The following TEKT4 variants were observed in gnomAD, a reference collection of about 807,000 sequenced individuals.
TEKT4 encodes the protein tektin 4.
A neutral mutation model predicts 46.0 loss-of-function variants in TEKT4; 46 were observed. That is an observed-to-expected ratio of 1.00 (90% CI 0.79 to 1.28). The LOEUF is 1.28. Ranked by LOEUF, TEKT4 falls within the 50% of genes most tolerant of loss-of-function variation. The pLI, the probability that TEKT4 is intolerant of heterozygous loss-of-function variation, is 0.00. For missense variants in TEKT4, 790 were observed against 622.9 expected (o/e 1.27, Z -2.85); for synonymous variants, 325 against 265.8 (o/e 1.22, Z -2.17).
chr2:94,871,858 G>A lies in TEKT4; in HGVS notation c.279G>A (p.Glu93=). The A allele has an allele frequency of 1.0e-5, 16 of 1,603,040 alleles. No homozygotes were observed. The highest frequency in any genetic ancestry group is 1.3e-5 in the Non-Finnish European group (15 of 1,176,830). ...AAGACTCCACGCGCACAGTGGGCGA[G>A]CGACTGCAGGACACGCACAGCTGGA... ...TQQDSTRTVG[E]RLQDTHSWKS... Residue 93 remains glutamate, a synonymous_variant, in exon 1 of 6, where the codon GAG becomes GAA. Transcript: ENST00000295201.
rs782060350 is a variant in TEKT4, at chr2:94,873,954, C to A, written c.570-11C>A. 6.2e-7 allele frequency: 1 copy of A among 1,613,470 alleles called. No individual in the cohort carries two copies. Among genetic ancestry groups the A allele is most frequent in the Non-Finnish European group, 8.5e-7 (1 of 1,179,828 alleles). On this transcript the variant is annotated splice_polypyrimidine_tract_variant and intron_variant, in intron 2 of 5. Transcript: ENST00000295201. ...GGGCACACATCAAGGCCCTGCCCCA[C>A]CCCGCCCCAGACTGAACCGGGAGCA...
intron 2 of TEKT4, 124 bp downstream of exon 2, chr2:94,873,714 G>A (rs1680686917): frequency 1.4e-6 from 2 of 1,381,010 alleles, no homozygotes; most frequent in South Asian, 1.3e-5. Flanking sequence ...TCACAGTGGA[G>A]CGCAGGACTG....
intron 1 of TEKT4, 180 bp from the exon 2 acceptor site, chr2:94,873,340 G>C: frequency 6.9e-7 from 1 of 1,452,252 alleles, no homozygotes; most frequent in East Asian, 2.5e-5. Flanking sequence ...ACGCACCAAG[G>C]AGAATGCCCA....
Position 94,871,753 on chromosome 2 carries a change from C to T in TEKT4, c.174C>T (p.Asp58=). Residue 58 remains aspartate (D), a synonymous_variant, in exon 1 of 6, where the codon GAC becomes GAT. Transcript: ENST00000295201. ...CTCGCTACCACCAGGCCTTCGCCGA[C>T]CGCGACCAGTCGGAGCGGCAGCGGC... The part of the protein sequence containing the change: ...CYARYHQAFA[D]RDQSERQRHE... 1 of 1,612,640 alleles carries T rather than the reference C, an allele frequency of 6.2e-7. No individual in the cohort carries two copies. Among genetic ancestry groups the T allele is most frequent in the East Asian group, 2.2e-5 (1 of 44,868 alleles).
chr2:94,873,932 C>A, intron 2 of TEKT4, 33 bp from the exon 3 acceptor site: 1 of 1,611,964 alleles, frequency 6.2e-7, no homozygotes, highest in African/African-American at 1.3e-5. Context: ...CCTCCCTGGG[C>A]ACACATCAAG....
chr2:94,873,629 A>C (rs1553395401), intron 2 of TEKT4, 39 bp downstream of exon 2: 1 of 1,611,648 alleles, frequency 6.2e-7, no homozygotes, highest in African/African-American at 1.3e-5. Flanking sequence ...TCCTGACCCT[A>C]CCCACAGCTG....
Position 94,875,686 on chromosome 2 carries a change from G to T in TEKT4, c.1035G>T (p.Leu345=). 6.2e-7 allele frequency: 1 copy of T among 1,614,178 alleles called. No individual in the cohort carries two copies. The highest frequency in any genetic ancestry group is 1.1e-5 in the South Asian group (1 of 91,088). The change falls in exon 5 of 6, where the codon CTG becomes CTT. Residue 345 remains leucine, a synonymous_variant. Coordinates refer to ENST00000295201, the MANE Select transcript of TEKT4 (RefSeq NM_144705.4). Reference sequence around the variant, plus strand: ...CTCTGCACGTAGCCCAGACCCGGCTGTACCTGCGCTCGCACCGGCCCAACA... The same window carrying T: ...CTCTGCACGTAGCCCAGACCCGGCTTTACCTGCGCTCGCACCGGCCCAACA... ...EAPLHVAQTR[L]YLRSHRPNME...
chr2:94,875,685 T>C lies in TEKT4; in HGVS notation c.1034T>C (p.Leu345Pro). The C allele has an allele frequency of 1.2e-6, 2 of 1,614,162 alleles. No homozygotes were observed. Among genetic ancestry groups the C allele is most frequent in the African/African-American group, 1.3e-5 (1 of 75,044 alleles). The part of the protein sequence containing the change: ...EAPLHVAQTR[L>P]YLRSHRPNME... Reference sequence around the variant, plus strand: ...CCTCTGCACGTAGCCCAGACCCGGCTGTACCTGCGCTCGCACCGGCCCAAC... The same window carrying C: ...CCTCTGCACGTAGCCCAGACCCGGCCGTACCTGCGCTCGCACCGGCCCAAC... Residue 345 changes from leucine (L) to proline (P), a missense_variant, in exon 5 of 6, where the codon CTG becomes CCG. By Grantham distance (98) the Leu-to-Pro change is moderately conservative. Coordinates refer to ENST00000295201, the MANE Select transcript of TEKT4 (RefSeq NM_144705.4).
In TEKT4 at chr2:94,872,004, A is replaced by T. The variant is rs1680592022; in HGVS notation, c.425A>T (p.Asp142Val). Residue 142 changes from aspartate (D) to valine (V), a missense_variant, in exon 1 of 6, where the codon GAC becomes GTC. Asp to Val is a radical substitution (Grantham distance 152). Transcript: ENST00000295201. ...GAGGTGCCCTTCTCCATCACCACTG[A>T]CAACCTGCAGTGCCGTGAGCGCCGC... ...ATEVPFSITT[D>V]NLQCRERREH... 8.8e-6 allele frequency: 14 copies of T among 1,596,808 alleles called. No homozygotes were observed. In the East Asian group the frequency reaches 3.2e-4, roughly 36 times the overall value.
At chr2:94,872,432 T>C in intron 1 of TEKT4, 2 of 397,988 alleles carry the variant, frequency 5.0e-6, no homozygotes, top group South Asian at 5.4e-5. Flanking sequence ...GGGCCAGCAC[T>C]GCAGGTGTGG....
intron 3 of TEKT4, among the ~76,000 whole-genome samples, chr2:94,874,396 G>A (rs1314455516): frequency 1.3e-5 from 2 of 152,036 alleles, no homozygotes; most frequent in East Asian, 3.9e-4. Context: ...CCTGACCACC[G>A]CCCACTAGAG....
chr2:94,871,451 G>A lies in TEKT4; in HGVS notation c.-129G>A, dbSNP rs1192274837. On this transcript the variant is annotated 5_prime_UTR_variant, in exon 1 of 6. Transcript: ENST00000295201. ...TCTTGGTTTACACAGTGTCACCCAA[G>A]CGACTGGGAGCCGCGTCCTGCTCTG... The A allele has an allele frequency of 1.6e-6, 2 of 1,216,276 alleles. No homozygotes were observed. The highest frequency in any genetic ancestry group is 2.2e-6 in the Non-Finnish European group (2 of 899,332). The allele number at this position is 1,216,276 out of a possible 1,614,324, so 75.3% of individuals were successfully genotyped here.
Position 94,875,009 on chromosome 2 carries a change from C to A in TEKT4, c.936+11C>A, listed in dbSNP as rs782251951. 2.5e-6 allele frequency: 4 copies of A among 1,584,524 alleles called. No individual in the cohort carries two copies. The highest frequency in any genetic ancestry group is 3.4e-6 in the Non-Finnish European group (4 of 1,165,592). On this transcript the variant is annotated intron_variant, in intron 4 of 5. Transcript: ENST00000295201. ...CACCACCTGCACAAGGTGGGGCACC[C>A]TGAACCCCGAAGACGGCCCCCTCTC...
chr2:94,875,205 G>A (rs1553396037), intron 4 of TEKT4, among the ~76,000 whole-genome samples: 1 of 152,208 alleles, frequency 6.6e-6, no homozygotes, highest in East Asian at 1.9e-4. Context: ...GGGGAGGATG[G>A]AGGCAGGAGG....
chr2:94,875,545 GGGCATGGGGGCACA>G (rs1166149426), intron 4 of TEKT4, 29 bp from the exon 5 acceptor site: 6 of 1,611,968 alleles, frequency 3.7e-6, no homozygotes, highest in Non-Finnish European at 5.1e-6. Flanking sequence ...CTATATACCC[GGGCATGGGGGCACA>G]GGCCCAAGGA....
intron 1 of TEKT4, chr2:94,872,498 CG>C: frequency 6.3e-6 from 2 of 315,266 alleles, no homozygotes; most frequent in Non-Finnish European, 1.2e-5. Context: ...TATACAGAGC[CG>C]GGGACACAAA....
chr2:94,874,141 G>C (rs1553395612), intron 3 of TEKT4, 33 bp downstream of exon 3: 1 of 1,603,228 alleles, frequency 6.2e-7, no homozygotes, highest in Non-Finnish European at 8.5e-7. Flanking sequence ...CACTTGCCCT[G>C]GCTGTGGTCT....
chr2:94,872,858 C>G, intron 1 of TEKT4: 1 of 1,289,386 alleles, frequency 7.8e-7, no homozygotes, highest in Non-Finnish European at 1.0e-6. Flanking sequence ...AGAACTCCTG[C>G]AGCTCCCGCA....
At position 94,872,881 on chromosome 2, in the gene TEKT4, G is replaced by A. The variant is rs535203039; in HGVS notation, c.499-639G>A. 257 of 1,289,210 alleles carry A rather than the reference G, an allele frequency of 2.0e-4. No individual in the cohort carries two copies. In the African/African-American group the frequency reaches 2.3e-3, roughly 12 times the overall value. 79.9% of individuals were successfully genotyped at this position (1,289,210 alleles called of 1,614,324 possible). A position where few individuals can be genotyped will look rare whatever the true frequency, so the allele number is the denominator to read the frequency against. On this transcript the variant is annotated intron_variant, in intron 1 of 5. Transcript: ENST00000295201. ...TGCAGCTCCCGCAAACTCTCTGCCCGCAACAAGGGCACCTGCCAACTGATG... is the reference window on the plus strand; with the variant it reads ...TGCAGCTCCCGCAAACTCTCTGCCCACAACAAGGGCACCTGCCAACTGATG...
Sources: allele counts gnomAD v4.1 joint callset (sites outside exome capture counted in the v4.1 genomes callset), GRCh38; gene constraint gnomAD v4.1.1; transcripts MANE v1.5; gene names NCBI Gene and HGNC (gene_info 2026-07-23, HGNC 2026-07-21).